The following MCU variants were observed in gnomAD, a reference collection of about 807,000 sequenced individuals.
MCU encodes mitochondrial calcium uniporter.
In MCU, 12 loss-of-function variants were observed where a neutral mutation model predicts 45.2. The ratio of observed to expected loss-of-function variants is 0.27; its 90% confidence interval spans 0.17 to 0.43. The LOEUF is 0.43. Among genes scored for constraint, MCU ranks in the 20% least tolerant of loss-of-function variants. MCU has a pLI of 1.00. For missense variants in MCU, 324 were observed against 436.7 expected (o/e 0.74, Z 2.30); for synonymous variants, 160 against 165.1 (o/e 0.97, Z 0.24).
At chr10:72,866,618 A>C (rs1845461381) in intron 4 of MCU, among the ~76,000 whole-genome samples, 1 of 152,100 alleles carries the variant, frequency 6.6e-6, no homozygotes, top group South Asian at 2.1e-4. Context: ...GCTGGTCTCG[A>C]ACTCCTGACC....
chr10:72,711,951 A>G (rs370961294), intron 1 of MCU, among the ~76,000 whole-genome samples: 1 of 151,108 alleles, frequency 6.6e-6, no homozygotes, highest in East Asian at 1.9e-4. Flanking sequence ...TGACCTCGTG[A>G]TCCGCCTGCC....
chr10:72,827,929 T>C (rs1458242575), intron 1 of MCU, among the ~76,000 whole-genome samples: 1 of 152,154 alleles, frequency 6.6e-6, no homozygotes, highest in Non-Finnish European at 1.5e-5. Flanking sequence ...ATTTAGTATA[T>C]TGGTAGATTA....
At chr10:72,837,560 G>A (rs890454253) in intron 2 of MCU, among the ~76,000 whole-genome samples, 1 of 152,194 alleles carries the variant, frequency 6.6e-6, no homozygotes, top group Non-Finnish European at 1.5e-5. Flanking sequence ...TGTAGAAACA[G>A]TACTTATTCT....
At position 72,692,266 on chromosome 10, in the gene MCU, G is replaced by C; in HGVS notation, c.115G>C (p.Val39Leu). Reference sequence around the variant, plus strand: ...TGCCGGCTGCTTCCCTGGGCTGGGCGTCAGCCGCCACCGGCAGCAGCAGCA... The same window carrying C: ...TGCCGGCTGCTTCCCTGGGCTGGGCCTCAGCCGCCACCGGCAGCAGCAGCA... ...LTAGCFPGLG[V>L]SRHRQQQHHR... The change falls in exon 1 of 8, where the codon GTC (valine) becomes CTC (leucine). Residue 39 changes from valine to leucine, a missense_variant. Physicochemically the swap from Val to Leu is conservative, Grantham distance 32 (BLOSUM62 1). Around this residue, in one of 4 missense-constraint regions of MCU, gnomAD observed 111 missense variants for 112.3 expected, o/e 0.99. Transcript: ENST00000373053. The C allele has an allele frequency of 8.1e-7, 1 of 1,231,756 alleles. No individual in the cohort carries two copies. Among genetic ancestry groups the C allele is most frequent in the Non-Finnish European group, 1.0e-6 (1 of 984,622 alleles). 76.3% of individuals were successfully genotyped at this position (1,231,756 alleles called of 1,614,324 possible).
Position 72,860,502 on chromosome 10 carries a change from A to G in MCU, c.471A>G (p.Thr157=). The part of the protein sequence containing the change: ...DDFKLVINDL[T]YHVRPPKRDL... ...TTAAGCTGGTCATTAATGACTTAAC[A>G]TACCACGTACGACCACCAAAAAGAG... is the stretch of plus-strand genomic sequence containing the variant. The change falls in exon 4 of 8, where the codon ACA becomes ACG. Residue 157 remains threonine, a synonymous_variant. Transcript: ENST00000373053. 3 of 1,613,940 alleles carry G rather than the reference A, an allele frequency of 1.9e-6. No homozygotes were observed. The highest frequency in any genetic ancestry group is 2.5e-6 in the Non-Finnish European group (3 of 1,179,914).
intron 2 of MCU, among the ~76,000 whole-genome samples, chr10:72,848,810 A>T (rs1159460434): frequency 1.3e-5 from 2 of 152,140 alleles, no homozygotes; most frequent in Admixed American, 1.3e-4. Context: ...CAACTTCAGG[A>T]TAGTGGCTTC....
At chr10:72,803,889 G>C (rs911589386) in intron 1 of MCU, among the ~76,000 whole-genome samples, 9 of 150,030 alleles carry the variant, frequency 6.0e-5, no homozygotes, top group African/African-American at 2.2e-4. Flanking sequence ...ATCTAGTCAT[G>C]TTTAAATTTT....
intron 1 of MCU, among the ~76,000 whole-genome samples, chr10:72,787,301 C>T (rs1480569524): frequency 6.6e-6 from 1 of 152,250 alleles, no homozygotes; most frequent in Non-Finnish European, 1.5e-5. Context: ...CAGAATCTCG[C>T]TCTGTCGCCC....
intron 1 of MCU, among the ~76,000 whole-genome samples, chr10:72,806,324 A>AT (rs1181415459): frequency 2.0e-5 from 3 of 151,872 alleles, no homozygotes; most frequent in South Asian, 2.1e-4. Context: ...CACCTGGTTA[A>AT]TTTTTTTGTG....
intron 1 of MCU, among the ~76,000 whole-genome samples, chr10:72,772,041 G>A (rs998741282): frequency 2.6e-5 from 4 of 152,188 alleles, no homozygotes; most frequent in East Asian, 1.9e-4. Context: ...GTTCCCTGTC[G>A]GGAGACTTGT....
At chr10:72,878,414 C>T (rs1845650492) in intron 6 of MCU, among the ~76,000 whole-genome samples, 1 of 151,974 alleles carries the variant, frequency 6.6e-6, no homozygotes, top group Admixed American at 6.6e-5. Flanking sequence ...AGCCACCATG[C>T]CTGGCCAGTT....
At chr10:72,708,703 T>C (rs1299854821) in intron 1 of MCU, among the ~76,000 whole-genome samples, 1 of 152,158 alleles carries the variant, frequency 6.6e-6, no homozygotes, top group African/African-American at 2.4e-5. Flanking sequence ...ACTACAGTGA[T>C]GGGAATTATG....
intron 1 of MCU, among the ~76,000 whole-genome samples, chr10:72,779,538 A>G (rs1843956545): frequency 6.6e-6 from 1 of 152,230 alleles, no homozygotes; most frequent in Non-Finnish European, 1.5e-5. Flanking sequence ...TTTATTTGTT[A>G]GAGGACTTGC....
At chr10:72,803,884 G>A (rs1844379114) in intron 1 of MCU, among the ~76,000 whole-genome samples, 1 of 150,012 alleles carries the variant, frequency 6.7e-6, no homozygotes, top group Non-Finnish European at 1.5e-5. Flanking sequence ...AGAATATCTA[G>A]TCATGTTTAA....
At chr10:72,784,870 G>A (rs1844048741) in intron 1 of MCU, among the ~76,000 whole-genome samples, 1 of 152,110 alleles carries the variant, frequency 6.6e-6, no homozygotes, top group African/African-American at 2.4e-5. Context: ...TGTGTTCTCA[G>A]CTCTATATAA....
chr10:72,715,887 A>G (rs1842950388), intron 1 of MCU: 18 of 985,668 alleles, frequency 1.8e-5, no homozygotes, highest in Non-Finnish European at 2.2e-5. Flanking sequence ...CGCAGGGGAA[A>G]CTTGAACATT....
At chr10:72,852,916 T>G (rs537978716) in intron 2 of MCU, among the ~76,000 whole-genome samples, 32 of 152,340 alleles carry the variant, frequency 2.1e-4, no homozygotes, top group African/African-American at 7.7e-4. Flanking sequence ...AGAGATAGCC[T>G]TGGACACATG....
intron 2 of MCU, among the ~76,000 whole-genome samples, chr10:72,845,270 G>A (rs546110214): frequency 1.3e-5 from 2 of 152,132 alleles, no homozygotes; most frequent in East Asian, 1.9e-4. Context: ...GAATTAAGGA[G>A]TAAAATGTGA....
At position 72,883,013 on chromosome 10, in the gene MCU, G is replaced by A. The variant is rs1349472304; in HGVS notation, c.862-1253G>A. ...ACGTGACTATCAGGGCAGATTCCCC[G>A]ATAACTATTAATGGAATGTTATTTG... On this transcript the variant is annotated intron_variant, in intron 6 of 7. Transcript: ENST00000373053. 7.2e-5 allele frequency among the ~76,000 whole-genome samples: 11 copies of A among 152,112 alleles called. No homozygotes were observed. In the South Asian group the frequency reaches 8.3e-4, roughly 11 times the overall value.
Sources: allele counts gnomAD v4.1 joint callset (sites outside exome capture counted in the v4.1 genomes callset), GRCh38; gene constraint gnomAD v4.1.1; regional missense constraint gnomAD v4.1.1; transcripts MANE v1.5; gene names NCBI Gene and HGNC (gene_info 2026-07-23, HGNC 2026-07-21).